Variants in MPDZ observed in about 807,000 individuals in gnomAD.
MPDZ encodes the protein multiple PDZ domain protein.
MPDZ carries 234 observed loss-of-function variants against 239.1 expected under a neutral mutation model. The observed-to-expected ratio is 0.98, with a 90% CI of 0.88 to 1.09. MPDZ has a LOEUF of 1.09. Among genes scored for constraint, MPDZ ranks in the 50% least tolerant of loss-of-function variants. MPDZ has a pLI of 0.00. For missense variants in MPDZ, 3,175 were observed against 2,510.0 expected (o/e 1.26, Z -5.66); for synonymous variants, 1,048 against 881.3 (o/e 1.19, Z -3.35).
rs1264607259 is a variant in MPDZ, at chr9:13,106,093, A to G, written c.*872T>C. Reference sequence around the variant, plus strand: ...GAATTGAAAACCAATTGCACAGCACACTAACACATTTTTAATGTTGCATCG... The same window carrying G: ...GAATTGAAAACCAATTGCACAGCACGCTAACACATTTTTAATGTTGCATCG... On this transcript the variant is annotated 3_prime_UTR_variant, in exon 47 of 47. Transcript: ENST00000319217. 1.3e-5 allele frequency: 2 copies of G among 152,186 alleles called. No individual in the cohort carries two copies. Among genetic ancestry groups the G allele is most frequent in the Non-Finnish European group, 2.9e-5 (2 of 68,024 alleles). 9.4% of individuals were successfully genotyped at this position (152,186 alleles called of 1,614,324 possible).
At chr9:13,271,355 T>C (rs1257309396) in intron 1 of MPDZ, among the ~76,000 whole-genome samples, 1 of 152,198 alleles carries the variant, frequency 6.6e-6, no homozygotes, top group African/African-American at 2.4e-5. Flanking sequence ...TATGCTACTT[T>C]GGCATCAGTA....
At chr9:13,187,157 T>C (rs1169693928) in intron 17 of MPDZ, among the ~76,000 whole-genome samples, 3 of 152,174 alleles carry the variant, frequency 2.0e-5, no homozygotes, top group Non-Finnish European at 4.4e-5. Context: ...AAACTGTTTT[T>C]CTTCTTTGCC....
rs1416619107 is a variant in MPDZ, at chr9:13,224,478, G to C, written c.289C>G (p.Pro97Ala). The C allele has an allele frequency of 6.2e-7, 1 of 1,612,684 alleles. No homozygotes were observed. The highest frequency in any genetic ancestry group is 1.3e-5 in the African/African-American group (1 of 74,824). Residue 97 changes from proline to alanine, a missense_variant, in exon 4 of 47, where the codon CCA becomes GCA. Transcript: ENST00000319217. ...TLQNESFLLS[P>A]NNGNLEALTG... ...AGTGCTTCCAGATTCCCATTGTTTG[G>C]GGATAATAAAAACGATTCATTTTGC... is the stretch of plus-strand genomic sequence containing the variant.
rs1159077466 is a variant in MPDZ at position 13,236,282 on chromosome 9, T to C, written c.183+11353A>G. Among the ~76,000 whole-genome samples, 193 of 85,484 alleles carry C rather than the reference T, an allele frequency of 2.3e-3. 40 individuals carry two copies. Among genetic ancestry groups the C allele is most frequent in the Non-Finnish European group, 3.7e-3 (161 of 43,458 alleles). The allele number at this position is 85,484 out of a possible 152,430, so 56.1% of individuals were successfully genotyped here. The stretch of plus-strand genomic sequence containing the variant: ...ATATATATATATTTTTTTTTTTTTT[T>C]TTTTTTTTTTTTGAGACAGAGTTTC... On this transcript the variant is annotated intron_variant, in intron 3 of 46. Coordinates refer to ENST00000319217, the MANE Select transcript of MPDZ (RefSeq NM_001378778.1).
intron 8 of MPDZ, 126 bp downstream of exon 8, chr9:13,219,433 G>T: frequency 2.5e-6 from 2 of 809,040 alleles, no homozygotes; most frequent in Non-Finnish European, 3.9e-6. Flanking sequence ...CCCTACATTT[G>T]AATTTCATTC....
At chr9:13,126,293 C>A (rs1043623007) in intron 34 of MPDZ, among the ~76,000 whole-genome samples, 5 of 152,080 alleles carry the variant, frequency 3.3e-5, no homozygotes, top group Admixed American at 3.3e-4. Context: ...ATCAAAACTG[C>A]CCAGTGAATA....
chr9:13,199,769 T>C (rs147337752), intron 12 of MPDZ, among the ~76,000 whole-genome samples: 15 of 152,186 alleles, frequency 9.9e-5, no homozygotes, highest in African/African-American at 2.4e-4. Context: ...CATTTACTGA[T>C]TGGCATATGT....
intron 45 of MPDZ, 25 bp downstream of exon 45, chr9:13,109,927 C>A: frequency 6.4e-7 from 1 of 1,559,954 alleles, no homozygotes; most frequent in Non-Finnish European, 8.8e-7. Context: ...AAAAATGATA[C>A]ACTAATCATC....
intron 1 of MPDZ, among the ~76,000 whole-genome samples, chr9:13,254,581 A>G (rs1252371270): frequency 1.3e-5 from 2 of 152,190 alleles, no homozygotes; most frequent in Non-Finnish European, 2.9e-5. Flanking sequence ...ATGGAAAAAA[A>G]ACATGGTACA....
chr9:13,158,058 GT>G lies in MPDZ; in HGVS notation c.3411del (p.Glu1137AspfsTer26), dbSNP rs762614662. 2 of 1,612,696 alleles carry G rather than the reference GT, an allele frequency of 1.2e-6. No homozygotes were observed. The highest frequency in any genetic ancestry group is 1.7e-6 in the Non-Finnish European group (2 of 1,179,216). ...CAATTGCTATATGCTGTGTTTTGAA[GT>G]TCGCTTTCTTCACCCTCTCCCTCTT... Reference protein sequence around the residue: ...EREEGEGEESELQNTAYSNWN... With the variant: ...EREEGEGEESXLQNTAYSNWN... On this transcript the variant is annotated frameshift_variant, in exon 24 of 47. Coordinates refer to ENST00000319217, the MANE Select transcript of MPDZ (RefSeq NM_001378778.1). LOFTEE classifies it high-confidence loss of function.
chr9:13,205,029 T>C lies in MPDZ; in HGVS notation c.1546+7A>G. The C allele has an allele frequency of 6.9e-7, 1 of 1,441,088 alleles. No individual in the cohort carries two copies. The highest frequency in any genetic ancestry group is 9.1e-7 in the Non-Finnish European group (1 of 1,095,754). 89.3% of individuals were successfully genotyped at this position (1,441,088 alleles called of 1,614,324 possible). A position where few individuals can be genotyped will look rare whatever the true frequency, so the allele number is the denominator to read the frequency against. On this transcript the variant is annotated splice_region_variant and intron_variant, in intron 12 of 46. Transcript: ENST00000319217. Reference sequence around the variant, plus strand: ...AAGTACACAATAAGCTGGCGCTAGGTGTTTACCTTCTTCTTCAGTTGGTAA... The same window carrying C: ...AAGTACACAATAAGCTGGCGCTAGGCGTTTACCTTCTTCTTCAGTTGGTAA...
intron 19 of MPDZ, among the ~76,000 whole-genome samples, chr9:13,177,807 T>C (rs1952702495): frequency 2.0e-5 from 3 of 151,982 alleles, no homozygotes; most frequent in South Asian, 2.1e-4. Context: ...GGACAGAGAG[T>C]ATTCATATCC....
At chr9:13,228,336 T>C (rs928404203) in intron 3 of MPDZ, among the ~76,000 whole-genome samples, 1 of 152,022 alleles carries the variant, frequency 6.6e-6, no homozygotes, top group African/African-American at 2.4e-5. Flanking sequence ...ACCTAAATAT[T>C]ATACAACTTA....
chr9:13,211,300 G>T (rs537755841), intron 10 of MPDZ, among the ~76,000 whole-genome samples: 1 of 152,190 alleles, frequency 6.6e-6, no homozygotes, highest in African/African-American at 2.4e-5. Flanking sequence ...AGGGGCAGTT[G>T]ATGACAAAAT....
intron 13 of MPDZ, among the ~76,000 whole-genome samples, chr9:13,194,715 T>TA (rs918355391): frequency 1.9e-4 from 28 of 148,902 alleles, no homozygotes; most frequent in Middle Eastern, 3.5e-3. Flanking sequence ...AAGTAAAATT[T>TA]AAAAAAAAAA....
At chr9:13,219,529 C>T (rs765946875) in intron 8 of MPDZ, 30 bp downstream of exon 8, 1 of 1,590,410 alleles carries the variant, frequency 6.3e-7, no homozygotes, top group Non-Finnish European at 8.6e-7. Context: ...ATTTCTCTGA[C>T]TTTCACATTA....
chr9:13,165,714 T>G (rs1022765590), intron 22 of MPDZ, among the ~76,000 whole-genome samples: 1 of 152,172 alleles, frequency 6.6e-6, no homozygotes, highest in African/African-American at 2.4e-5. Flanking sequence ...TTCAGCTCAG[T>G]AATTATCTGG....
chr9:13,263,794 A>G (rs1338335917), intron 1 of MPDZ, among the ~76,000 whole-genome samples: 1 of 151,874 alleles, frequency 6.6e-6, no homozygotes, highest in Non-Finnish European at 1.5e-5. Flanking sequence ...TTTGTGAATT[A>G]TGGGGGATCC....
At chr9:13,199,332 C>G (rs982494448) in intron 12 of MPDZ, among the ~76,000 whole-genome samples, 1 of 151,868 alleles carries the variant, frequency 6.6e-6, no homozygotes, top group Non-Finnish European at 1.5e-5. Context: ...GTGTATGCTA[C>G]TTATTTTTTA....
Sources: gnomAD v4.1 joint callset for allele counts (sites outside exome capture counted in the v4.1 genomes callset) on GRCh38, gnomAD v4.1.1 for gene constraint, MANE v1.5 for transcripts, NCBI Gene and HGNC (gene_info 2026-07-23, HGNC 2026-07-21) for gene names.